Variants in MAML3 observed in about 807,000 individuals in gnomAD.
MAML3 encodes mastermind-like protein 3.
Under a neutral mutation model 101.9 loss-of-function variants are expected in MAML3, and 27 were observed. The ratio of observed to expected loss-of-function variants is 0.27; its 90% confidence interval spans 0.20 to 0.37. MAML3 has a LOEUF of 0.37. Among genes scored for constraint, MAML3 ranks in the 10% least tolerant of loss-of-function variants. The pLI, the probability that MAML3 is intolerant of heterozygous loss-of-function variation, is 1.00. For synonymous variants in MAML3, 501 were observed against 555.9 expected (o/e 0.90, Z 1.39); for missense variants, 1,316 against 1,444.9 (o/e 0.91, Z 1.45).
intron 2 of MAML3, among the ~76,000 whole-genome samples, chr4:139,802,845 C>T (rs1730632468): frequency 6.6e-6 from 1 of 152,190 alleles, no homozygotes; most frequent in Non-Finnish European, 1.5e-5. Flanking sequence ...TGTGTATTTA[C>T]ACATTAAATA....
intron 2 of MAML3, among the ~76,000 whole-genome samples, chr4:139,825,335 G>T (rs1309266349): frequency 1.3e-5 from 2 of 152,310 alleles, no homozygotes; most frequent in East Asian, 3.9e-4. Flanking sequence ...ACATTTGCAT[G>T]TTAAAAAGGC....
At chr4:140,079,294 T>A (rs1051026012) in intron 1 of MAML3, among the ~76,000 whole-genome samples, 3 of 152,172 alleles carry the variant, frequency 2.0e-5, no homozygotes, top group Admixed American at 2.0e-4. Flanking sequence ...AATTAATTAA[T>A]TTAAAAAAAA....
At chr4:139,957,361 C>T (rs1229055472) in intron 1 of MAML3, among the ~76,000 whole-genome samples, 1 of 152,178 alleles carries the variant, frequency 6.6e-6, no homozygotes, top group African/African-American at 2.4e-5. Flanking sequence ...GGAATCAAAT[C>T]CAACCAGGCT....
intron 2 of MAML3, among the ~76,000 whole-genome samples, chr4:139,787,540 T>G (rs1164396983): frequency 6.6e-6 from 1 of 152,226 alleles, no homozygotes; most frequent in Non-Finnish European, 1.5e-5. Flanking sequence ...CAAGTCTCTT[T>G]TCTGGGATTT....
chr4:139,948,049 A>G (rs565787653), intron 1 of MAML3, among the ~76,000 whole-genome samples: 12 of 151,858 alleles, frequency 7.9e-5, no homozygotes, highest in Non-Finnish European at 1.6e-4. Flanking sequence ...GCAGTGGGCC[A>G]AGATCACGCC....
chr4:139,938,765 T>C (rs187411043), intron 1 of MAML3, among the ~76,000 whole-genome samples: 18 of 152,340 alleles, frequency 1.2e-4, no homozygotes, highest in African/African-American at 4.3e-4. Context: ...GTTTTAAAGA[T>C]ATGGATATTA....
chr4:139,911,858 G>A (rs938565844), intron 1 of MAML3, among the ~76,000 whole-genome samples: 10 of 152,180 alleles, frequency 6.6e-5, no homozygotes, highest in Admixed American at 5.2e-4. Flanking sequence ...AGAACTGTAA[G>A]AAATAAGTTT....
intron 2 of MAML3, among the ~76,000 whole-genome samples, chr4:139,750,098 G>A (rs1729458203): frequency 6.6e-6 from 1 of 152,078 alleles, no homozygotes. Flanking sequence ...GAATGGCAGA[G>A]TGCTTTGGAA....
At chr4:139,988,658 G>C (rs916867910) in intron 1 of MAML3, among the ~76,000 whole-genome samples, 4 of 152,182 alleles carry the variant, frequency 2.6e-5, no homozygotes, top group African/African-American at 9.7e-5. Context: ...GCAAAAGAGG[G>C]CATTTAAGAG....
intron 1 of MAML3, among the ~76,000 whole-genome samples, chr4:140,038,975 C>T (rs1426116803): frequency 6.6e-6 from 1 of 151,946 alleles, no homozygotes; most frequent in African/African-American, 2.4e-5. Context: ...AAAAATTAGC[C>T]AGGTGTGGCA....
At chr4:139,961,092 A>G (rs1245112028) in intron 1 of MAML3, among the ~76,000 whole-genome samples, 1 of 152,186 alleles carries the variant, frequency 6.6e-6, no homozygotes, top group African/African-American at 2.4e-5. Context: ...TCTCGACTGC[A>G]CTACCAGCTA....
intron 1 of MAML3, among the ~76,000 whole-genome samples, chr4:140,017,665 GC>G (rs200947907): frequency 2.5e-5 from 3 of 121,042 alleles, no homozygotes; most frequent in Non-Finnish European, 3.8e-5. Flanking sequence ...TGCTGAGCAG[GC>G]GAAAAAAAGA....
intron 2 of MAML3, among the ~76,000 whole-genome samples, chr4:139,821,486 C>A (rs113232261): frequency 6.6e-6 from 1 of 152,164 alleles, no homozygotes. Flanking sequence ...TCCCCCCGGC[C>A]GACCCCTGGT....
chr4:139,817,960 A>G (rs1730917537), intron 2 of MAML3, among the ~76,000 whole-genome samples: 1 of 152,202 alleles, frequency 6.6e-6, no homozygotes, highest in Non-Finnish European at 1.5e-5. Context: ...TCCCCAGCTC[A>G]TCTCATCTGC....
At chr4:140,042,399 C>G (rs930831024) in intron 1 of MAML3, among the ~76,000 whole-genome samples, 3 of 152,106 alleles carry the variant, frequency 2.0e-5, no homozygotes, top group Non-Finnish European at 4.4e-5. Context: ...CTTTGGGAGG[C>G]CGAGGCAGGC....
intron 2 of MAML3, among the ~76,000 whole-genome samples, chr4:139,746,125 G>A (rs1278697125): frequency 1.3e-5 from 2 of 152,164 alleles, no homozygotes; most frequent in Non-Finnish European, 2.9e-5. Context: ...TAAGCTCTCA[G>A]TTGGATTTTT....
At chr4:139,992,165 TG>T (rs773510233) in intron 1 of MAML3, among the ~76,000 whole-genome samples, 17 of 152,224 alleles carry the variant, frequency 1.1e-4, no homozygotes, top group Non-Finnish European at 2.5e-4. Context: ...GTATCCATCT[TG>T]TAGCAGGCAT....
chr4:140,093,064 G>T (rs1054299031), intron 1 of MAML3, among the ~76,000 whole-genome samples: 1 of 152,142 alleles, frequency 6.6e-6, no homozygotes, highest in East Asian at 1.9e-4. Context: ...TATAGGTCTC[G>T]CTGCTCTTTT....
At chr4:139,887,310 T>C (rs11942001) in intron 2 of MAML3, among the ~76,000 whole-genome samples, 10,496 of 152,336 alleles carry the variant, frequency 0.069, 515 homozygotes, top group African/African-American at 0.12. Flanking sequence ...CGCTTTTACC[T>C]GATGAGATTT....
Sources: allele counts gnomAD v4.1 joint callset (sites outside exome capture counted in the v4.1 genomes callset), GRCh38; gene constraint gnomAD v4.1.1; transcripts MANE v1.5; gene names NCBI Gene and HGNC (gene_info 2026-07-23, HGNC 2026-07-21).